CALN1: variants seen among roughly 807,000 people sequenced by gnomAD.
The protein encoded by CALN1 is calneuron 1, also known as calcium-binding protein 8.
A neutral mutation model predicts 30.6 loss-of-function variants in CALN1; 17 were observed. The observed-to-expected ratio is 0.56, with a 90% CI of 0.38 to 0.83. The LOEUF is 0.83. Ranked by LOEUF, CALN1 falls within the 40% of genes least tolerant of loss-of-function variation. The pLI is 0.00. For synonymous variants in CALN1, 156 were observed against 131.4 expected (o/e 1.19, Z -1.28); for missense variants, 291 against 354.9 (o/e 0.82, Z 1.45).
intron 5 of CALN1, among the ~76,000 whole-genome samples, chr7:71,937,776 C>T (rs76553755): frequency 0.075 from 11,363 of 152,210 alleles, 742 homozygotes; most frequent in East Asian, 0.22. Flanking sequence ...ACTGCACCTG[C>T]CAACTCTTTA....
At chr7:72,277,156 T>G (rs985847165) in intron 3 of CALN1, among the ~76,000 whole-genome samples, 2 of 151,938 alleles carry the variant, frequency 1.3e-5, no homozygotes, top group South Asian at 4.2e-4. Context: ...TCCCCAGACA[T>G]CAAATCTGCT....
At chr7:71,819,425 A>G (rs1788467610) in intron 5 of CALN1, among the ~76,000 whole-genome samples, 1 of 152,068 alleles carries the variant, frequency 6.6e-6, no homozygotes, top group South Asian at 2.1e-4. Flanking sequence ...GCTGGTCTCG[A>G]ACTCCCGACC....
At chr7:71,943,643 T>G (rs1796250815) in intron 5 of CALN1, among the ~76,000 whole-genome samples, 1 of 152,038 alleles carries the variant, frequency 6.6e-6, no homozygotes, top group African/African-American at 2.4e-5. Context: ...GGCTTCACCA[T>G]GTTGGCCAGG....
At chr7:71,929,434 A>G (rs1795436135) in intron 5 of CALN1, among the ~76,000 whole-genome samples, 1 of 152,230 alleles carries the variant, frequency 6.6e-6, no homozygotes, top group Non-Finnish European at 1.5e-5. Flanking sequence ...AATGGCTTCC[A>G]GCTTCATCCA....
At chr7:72,043,041 T>C (rs1802229440) in intron 4 of CALN1, among the ~76,000 whole-genome samples, 1 of 152,230 alleles carries the variant, frequency 6.6e-6, no homozygotes, top group African/African-American at 2.4e-5. Flanking sequence ...CAGGAATAGA[T>C]GCATGGCTTC....
chr7:71,966,455 T>C (rs1797535640), intron 5 of CALN1, among the ~76,000 whole-genome samples: 1 of 152,204 alleles, frequency 6.6e-6, no homozygotes. Context: ...ATCATCCTTC[T>C]GGTACTGTCC....
intron 3 of CALN1, among the ~76,000 whole-genome samples, chr7:72,203,831 A>C (rs891357097): frequency 6.6e-6 from 1 of 152,006 alleles, no homozygotes; most frequent in Non-Finnish European, 1.5e-5. Context: ...TCTAAGTGCA[A>C]AAGTCATACT....
intron 5 of CALN1, among the ~76,000 whole-genome samples, chr7:71,913,218 G>A (rs1433502588): frequency 6.6e-6 from 1 of 152,172 alleles, no homozygotes; most frequent in East Asian, 1.9e-4. Flanking sequence ...GGCCAGGCCA[G>A]GGCATGGAAG....
At chr7:71,933,712 GAATT>G (rs1466402684) in intron 5 of CALN1, among the ~76,000 whole-genome samples, 1 of 152,130 alleles carries the variant, frequency 6.6e-6, no homozygotes, top group African/African-American at 2.4e-5. Context: ...TTATGTTCTA[GAATT>G]AATTCTCTAT....
chr7:72,271,965 G>A (rs528358536), intron 3 of CALN1, among the ~76,000 whole-genome samples: 1 of 151,804 alleles, frequency 6.6e-6, no homozygotes, highest in South Asian at 2.1e-4. Context: ...AGGAGGCTGA[G>A]GCAGAAGAAT....
intron 2 of CALN1, among the ~76,000 whole-genome samples, chr7:72,279,080 A>G (rs1173563447): frequency 6.6e-6 from 1 of 152,120 alleles, no homozygotes; most frequent in East Asian, 1.9e-4. Context: ...CTTGTTAATC[A>G]TGGCACACCA....
Position 71,951,523 on chromosome 7 carries a change from G to A in CALN1, c.501+72134C>T, listed in dbSNP as rs145025117. Among the ~76,000 whole-genome samples, 48 of 152,232 alleles carry A rather than the reference G, an allele frequency of 3.2e-4. No individual in the cohort carries two copies. The East Asian group carries it at 7.4e-3, about 23-fold the overall frequency. ...AGAGAATCGCTTGAACCCAGGAGGC[G>A]GAGGTTGCAGTGAGTCGAGATCATG... is the stretch of plus-strand genomic sequence containing the variant. On this transcript the variant is annotated intron_variant, in intron 5 of 6. Transcript: ENST00000395275.
At chr7:72,431,335 A>T (rs1807970077) in intron 1 of CALN1, among the ~76,000 whole-genome samples, 1 of 152,168 alleles carries the variant, frequency 6.6e-6, no homozygotes, top group Non-Finnish European at 1.5e-5. Context: ...TTACAAAAAA[A>T]CTGAGGGTTT....
At chr7:71,834,550 A>C (rs527667637) in intron 5 of CALN1, among the ~76,000 whole-genome samples, 1 of 152,244 alleles carries the variant, frequency 6.6e-6, no homozygotes, top group East Asian at 1.9e-4. Flanking sequence ...TCTGAGATGT[A>C]AAAGTGTTCT....
chr7:72,413,874 GCACA>G (rs767100880), upstream of CALN1, among the ~76,000 whole-genome samples: 1 of 150,708 alleles, frequency 6.6e-6, no homozygotes, highest in African/African-American at 2.4e-5. Flanking sequence ...GTATACACAT[GCACA>G]CACACACTCT....
At chr7:71,985,331 G>C (rs1164054404) in intron 5 of CALN1, among the ~76,000 whole-genome samples, 1 of 152,098 alleles carries the variant, frequency 6.6e-6, no homozygotes, top group African/African-American at 2.4e-5. Context: ...ATTGTGCATT[G>C]AAACAAAGCT....
chr7:72,448,071 C>A (rs1808578870), upstream of CALN1, among the ~76,000 whole-genome samples: 1 of 152,032 alleles, frequency 6.6e-6, no homozygotes, highest in African/African-American at 2.4e-5. Context: ...CACACACATG[C>A]CTGACATACC....
chr7:72,249,946 C>CAAAA (rs386410444), intron 3 of CALN1, among the ~76,000 whole-genome samples: 4 of 117,250 alleles, frequency 3.4e-5, no homozygotes, highest in African/African-American at 6.4e-5. Context: ...CAAAACAAAC[C>CAAAA]AAAAAAAAAA....
At chr7:72,473,792 G>C in the CALN1 span, among the ~76,000 whole-genome samples, 1,965 of 152,102 alleles carry the variant, frequency 0.013, 42 homozygotes, top group African/African-American at 0.045. Context: ...AAATTAGCCA[G>C]GCATGGTGGC....
Sources: allele counts gnomAD v4.1 joint callset (sites outside exome capture counted in the v4.1 genomes callset), GRCh38; gene constraint gnomAD v4.1.1; transcripts MANE v1.5; gene names NCBI Gene and HGNC (gene_info 2026-07-23, HGNC 2026-07-21).